PRH1: variants seen among roughly 807,000 people sequenced by gnomAD.
PRH1 encodes salivary acidic proline-rich phosphoprotein 1/2.
PRH1 carries 7 observed loss-of-function variants against 7.9 expected under a neutral mutation model. The ratio of observed to expected loss-of-function variants is 0.89; its 90% CI spans 0.50 to 1.67. The LOEUF (loss-of-function observed/expected upper bound fraction) is 1.67. Among genes scored for constraint, PRH1 ranks in the 40% most tolerant of loss-of-function variants. The probability of loss-of-function intolerance (pLI) is 0.00; values close to 1 mark genes in which losing one functional copy is unlikely to be tolerated. For synonymous variants in PRH1, 45 were observed against 80.8 expected, an observed-to-expected ratio of 0.56 and a Z score of 2.38; for missense variants, 109 against 223.6, an observed-to-expected ratio of 0.49 and a Z score of 3.27.
chr12:11,099,426 CT>C (rs1400887621), intron 1 of PRH1, among the ~76,000 whole-genome samples: 1 of 152,124 alleles, frequency 6.6e-6, no homozygotes, highest in Non-Finnish European at 1.5e-5. Flanking sequence ...TCAAACCCAG[CT>C]TAGAAAAATG....
intron 1 of PRH1, among the ~76,000 whole-genome samples, chr12:11,064,831 G>C (rs1388463987): frequency 6.6e-6 from 1 of 151,922 alleles, no homozygotes. Context: ...CATTTTGTAA[G>C]GCTGAGTCAG....
chr12:11,029,068 C>A (rs1160190688), intron 1 of PRH1, among the ~76,000 whole-genome samples: 2 of 152,292 alleles, frequency 1.3e-5, no homozygotes, highest in East Asian at 3.8e-4. Context: ...GCAAGACAGA[C>A]ATTATCTCTT....
chr12:11,080,400 C>T (rs1408451111), intron 1 of PRH1, among the ~76,000 whole-genome samples: 1 of 116,060 alleles, frequency 8.6e-6, no homozygotes, highest in Admixed American at 8.6e-5. Context: ...ATTTAGGCAG[C>T]TTGTTTTTGA....
chr12:11,068,987 T>C (rs1377265265), intron 1 of PRH1, among the ~76,000 whole-genome samples: 1 of 18,864 alleles, frequency 5.3e-5, no homozygotes, highest in Non-Finnish European at 2.9e-4. Flanking sequence ...GGCTCACTGC[T>C]CTCCACTGCT....
At chr12:11,015,058 C>A (rs553828548) in intron 1 of PRH1, among the ~76,000 whole-genome samples, 1 of 152,056 alleles carries the variant, frequency 6.6e-6, no homozygotes, top group Non-Finnish European at 1.5e-5. Flanking sequence ...CTGAGGCATA[C>A]GTGTTAAGAG....
At chr12:11,155,253 C>A (rs1947217124) in intron 1 of PRH1, among the ~76,000 whole-genome samples, 1 of 152,088 alleles carries the variant, frequency 6.6e-6, no homozygotes, top group Non-Finnish European at 1.5e-5. Flanking sequence ...TCACTTGGAT[C>A]CAAATGCCAA....
intron 1 of PRH1, chr12:11,031,168 A>G (rs1942192305): frequency 6.2e-7 from 1 of 1,614,104 alleles, no homozygotes; most frequent in Admixed American, 1.7e-5. Flanking sequence ...AGAGCAAACC[A>G]ACTCTGGAGA....
In PRH1 at chr12:11,080,487, G is replaced by C. The variant is rs1321965334; in HGVS notation, n.124-33299C>G. 1.7e-5 allele frequency among the ~76,000 whole-genome samples: 2 copies of C among 116,050 alleles called. 1 individual carries two copies. Among genetic ancestry groups the C allele is most frequent in the Non-Finnish European group, 4.1e-5 (2 of 48,872 alleles). The allele number at this position is 116,050 out of a possible 152,430, so 76.1% of individuals were successfully genotyped here. On this transcript the variant is annotated intron_variant and non_coding_transcript_variant, in intron 1 of 4. Coordinates refer to the PRH1 transcript ENST00000541977. The stretch of plus-strand genomic sequence containing the variant: ...AATTCTTATGCATATATATACCTGG[G>C]TGTGAAATTACAGGGTCCTTGATAA...
chr12:11,050,523 A>G (rs1943099774), upstream of PRH1, among the ~76,000 whole-genome samples: 1 of 152,092 alleles, frequency 6.6e-6, no homozygotes. Context: ...TGCTGCAGAG[A>G]TTTTATTTAT....
At chr12:11,149,731 G>GAA in intron 1 of PRH1, among the ~76,000 whole-genome samples, 1 of 139,236 alleles carries the variant, frequency 7.2e-6, no homozygotes, top group Admixed American at 7.3e-5. Flanking sequence ...AGAAAACCTA[G>GAA]GCATTACCAT....
At chr12:11,131,821 C>A (rs1946352119) in intron 1 of PRH1, among the ~76,000 whole-genome samples, 1 of 152,242 alleles carries the variant, frequency 6.6e-6, no homozygotes, top group South Asian at 2.1e-4. Context: ...CATGCAACTG[C>A]AGATTTTGTG....
intron 2 of PRH1, among the ~76,000 whole-genome samples, chr12:10,912,808 G>T (rs556192206): frequency 3.3e-5 from 5 of 151,782 alleles, no homozygotes; most frequent in Non-Finnish European, 7.4e-5. Context: ...TAAAATTTAT[G>T]TTATGCATAT....
At chr12:10,922,825 C>CTTTTCTTTTTT (rs1555107576) in intron 2 of PRH1, among the ~76,000 whole-genome samples, 19 of 113,574 alleles carry the variant, frequency 1.7e-4, no homozygotes, top group Admixed American at 5.7e-4. Context: ...TGAATTTTTT[C>CTTTTCTTTTTT]TTTTTCTTTT....
At chr12:10,955,956 CA>C (rs993972655) in intron 2 of PRH1, among the ~76,000 whole-genome samples, 1 of 151,764 alleles carries the variant, frequency 6.6e-6, no homozygotes, top group African/African-American at 2.4e-5. Context: ...GACAAACAAA[CA>C]AAAAAAGCCT....
intron 2 of PRH1, among the ~76,000 whole-genome samples, chr12:10,966,861 A>T (rs868513585): frequency 1.3e-5 from 2 of 152,308 alleles, no homozygotes; most frequent in Middle Eastern, 3.4e-3. Flanking sequence ...CACGCCTGTA[A>T]TCCCAGCACT....
chr12:10,960,535 G>C (rs901565779), intron 2 of PRH1, among the ~76,000 whole-genome samples: 1 of 152,218 alleles, frequency 6.6e-6, no homozygotes, highest in Non-Finnish European at 1.5e-5. Flanking sequence ...CACCCTTTGT[G>C]AGAGAAAATC....
intron 2 of PRH1, among the ~76,000 whole-genome samples, chr12:10,931,716 T>TATATAATAA (rs1273789919): frequency 4.3e-4 from 65 of 152,320 alleles, no homozygotes; most frequent in African/African-American, 1.5e-3. Flanking sequence ...TTCCCACCAC[T>TATATAATAA]AATACCACAC....
upstream of PRH1, among the ~76,000 whole-genome samples, chr12:10,888,548 A>G (rs1033877415): frequency 2.0e-5 from 3 of 152,230 alleles, no homozygotes; most frequent in African/African-American, 7.2e-5. Context: ...TGAGATGGCA[A>G]AAATTTACTT....
At chr12:10,974,207 A>T (rs540903953) in intron 1 of PRH1, among the ~76,000 whole-genome samples, 45 of 152,338 alleles carry the variant, frequency 3.0e-4, no homozygotes, top group African/African-American at 1.0e-3. Flanking sequence ...ATGCATAAAG[A>T]TGAATTTAGG....
Sources: allele counts gnomAD v4.1 joint callset (sites outside exome capture counted in the v4.1 genomes callset), GRCh38; gene constraint gnomAD v4.1.1; transcripts MANE v1.5; gene names NCBI Gene and HGNC (gene_info 2026-07-23, HGNC 2026-07-21).